The following SUMO2 variants were observed in gnomAD, a reference collection of about 807,000 sequenced individuals.
SUMO2 encodes small ubiquitin like modifier 2, also known as small ubiquitin-related modifier 2.
In SUMO2, 1 loss-of-function variant was observed where a neutral mutation model predicts 16.0. The ratio of observed to expected loss-of-function variants is 0.06; its 90% CI spans 0.02 to 0.30. SUMO2 has a LOEUF of 0.30. Ranked by LOEUF, SUMO2 falls within the 10% of genes least tolerant of loss-of-function variation. SUMO2 has a pLI of 1.00. For synonymous variants in SUMO2, 36 were observed against 40.6 expected, an observed-to-expected ratio of 0.89 and a Z score of 0.43; for missense variants, 16 against 117.5, an observed-to-expected ratio of 0.14 and a Z score of 3.99.
chr17:75,180,558 C>CAA (rs201149071), intron 2 of SUMO2, among the ~76,000 whole-genome samples: 1 of 146,960 alleles, frequency 6.8e-6, no homozygotes, highest in Non-Finnish European at 1.5e-5. Context: ...ACTAAAAATA[C>CAA]AAAAAAAAAA....
rs1304995592 is a variant in SUMO2, at chr17:75,166,513, G to A, written c.*1826C>T. On this transcript the variant is annotated 3_prime_UTR_variant, in exon 4 of 4. Coordinates refer to ENST00000420826, the MANE Select transcript of SUMO2 (RefSeq NM_006937.4). ...TTTTAAAAAATTAAAAAGGGGCTGG[G>A]CATAGTGGCTCACGCCTGTAAACCC... The A allele has an allele frequency of 6.6e-6, 1 of 152,200 alleles. No homozygotes were observed. Among genetic ancestry groups the A allele is most frequent in the African/African-American group, 2.4e-5 (1 of 41,420 alleles). 9.4% of individuals were successfully genotyped at this position (152,200 alleles called of 1,614,324 possible).
At position 75,165,680 on chromosome 17, in the gene SUMO2, A is replaced by AGTTTT. The variant is rs5822071; in HGVS notation, c.*2658_*2659insAAAAC. ...ATACTATCTCTAGTCCCAGTTTTATAGTCACCGTCTATTTCACAACTTTTC... is the reference window on the plus strand; with the variant it reads ...ATACTATCTCTAGTCCCAGTTTTATAGTTTTGTCACCGTCTATTTCACAACTTTTC... On this transcript the variant is annotated 3_prime_UTR_variant, in exon 4 of 4. Transcript: ENST00000420826. 151,879 of 152,334 alleles carry AGTTTT rather than the reference A, an allele frequency of 1. 75,713 individuals carry two copies. The highest frequency in any genetic ancestry group is 1 in the Middle Eastern group (294 of 294). 9.4% of individuals were successfully genotyped at this position (152,334 alleles called of 1,614,324 possible). A position where few individuals can be genotyped will look rare whatever the true frequency, so the allele number is the denominator to read the frequency against.
chr17:75,177,849 C>T (rs1012391286), intron 2 of SUMO2, among the ~76,000 whole-genome samples: 5 of 151,602 alleles, frequency 3.3e-5, no homozygotes, highest in Non-Finnish European at 7.4e-5. Context: ...ATTAGCCGAG[C>T]ACGGTGGTAG....
intron 3 of SUMO2, among the ~76,000 whole-genome samples, chr17:75,168,604 A>C (rs1352995399): frequency 1.3e-5 from 2 of 151,682 alleles, no homozygotes; most frequent in Admixed American, 1.3e-4. Context: ...CTATTAGATA[A>C]AACTTTTTTG....
intron 3 of SUMO2, among the ~76,000 whole-genome samples, chr17:75,171,950 T>C (rs1159525222): frequency 6.6e-6 from 1 of 151,864 alleles, no homozygotes; most frequent in African/African-American, 2.4e-5. Context: ...GAGGTTCCTG[T>C]ACCAGCCTCA....
chr17:75,182,885 T>C lies in SUMO2; in HGVS notation c.-51A>G, dbSNP rs544001336. 2.5e-5 allele frequency: 34 copies of C among 1,337,920 alleles called. No homozygotes were observed. The highest frequency in any genetic ancestry group is 6.7e-5 in the Admixed American group (2 of 29,932). 82.9% of individuals were successfully genotyped at this position (1,337,920 alleles called of 1,614,324 possible). ...GCCGCTTCACAAAAGAGGTACCAGG[T>C]CCGCACCAAACGAGCACACAAGCAG... On this transcript the variant is annotated 5_prime_UTR_variant, in exon 1 of 4. Transcript: ENST00000420826.
Position 75,168,390 on chromosome 17 carries a change from C to T in SUMO2, c.237G>A (p.Glu79=), listed in dbSNP as rs752229100. The T allele has an allele frequency of 1.9e-6, 3 of 1,606,724 alleles. No individual in the cohort carries two copies. The highest frequency in any genetic ancestry group is 4.5e-5 in the East Asian group (2 of 44,646). Residue 79 remains glutamate, a synonymous_variant, in exon 4 of 4, where the codon GAG becomes GAA. Coordinates refer to ENST00000420826, the MANE Select transcript of SUMO2 (RefSeq NM_006937.4). ...GGAACACATCAATTGTATCTTCATCCTCCATTTCCAACTAGCATAAAAGAA... is the reference window on the plus strand; with the variant it reads ...GGAACACATCAATTGTATCTTCATCTTCCATTTCCAACTAGCATAAAAGAA... ...ETDTPAQLEM[E]DEDTIDVFQQ... is the part of the protein sequence containing the mutation.
intron 1 of SUMO2, chr17:75,182,411 TC>T (rs1342731783): frequency 6.4e-6 from 1 of 156,472 alleles, no homozygotes; most frequent in Non-Finnish European, 1.4e-5. Context: ...CCCAGAGGAC[TC>T]CTCGCCGCCT....
At position 75,167,743 on chromosome 17, in the gene SUMO2, G is replaced by GAAGTTTATTTAAACAAC. The variant is rs1338281456; in HGVS notation, c.*579_*595dup. The GAAGTTTATTTAAACAAC allele has an allele frequency of 6.5e-6, 1 of 153,018 alleles. No individual in the cohort carries two copies. Among genetic ancestry groups the GAAGTTTATTTAAACAAC allele is most frequent in the African/African-American group, 2.4e-5 (1 of 41,422 alleles). 9.5% of individuals were successfully genotyped at this position (153,018 alleles called of 1,614,324 possible). ...AAAGAAAACAGCTCATTTTAAACAA[G>GAAGTTTATTTAAACAAC]AAGTTTATTTAAACAACAAGACGCT... On this transcript the variant is annotated 3_prime_UTR_variant, in exon 4 of 4. Coordinates refer to ENST00000420826, the MANE Select transcript of SUMO2 (RefSeq NM_006937.4).
At chr17:75,172,737 A>C (rs1180318862) in intron 3 of SUMO2, among the ~76,000 whole-genome samples, 1 of 151,948 alleles carries the variant, frequency 6.6e-6, no homozygotes, top group Non-Finnish European at 1.5e-5. Context: ...GGCCTCCCAA[A>C]GTGCTGGGAT....
chr17:75,178,404 C>T (rs1317703586), intron 2 of SUMO2, among the ~76,000 whole-genome samples: 2 of 151,236 alleles, frequency 1.3e-5, no homozygotes, highest in Non-Finnish European at 2.9e-5. Flanking sequence ...GTCCCAGCTA[C>T]TTGGGAGGCT....
rs961794300 is a variant in SUMO2, at chr17:75,172,430, C to A, written c.225+2322G>T. Among the ~76,000 whole-genome samples the A allele has an allele frequency of 9.9e-5, 15 of 150,940 alleles. No homozygotes were observed. The East Asian group carries it at 2.1e-3, about 21-fold the overall frequency. On this transcript the variant is annotated intron_variant, in intron 3 of 3. Transcript: ENST00000420826. ...CGCCTCTCGGGTTCAGGTGATTCTC[C>A]TGCCTCAGCCTCCTGAGTAGCTGGG...
chr17:75,180,105 C>A (rs1049941092), intron 2 of SUMO2, among the ~76,000 whole-genome samples: 3 of 151,886 alleles, frequency 2.0e-5, no homozygotes, highest in African/African-American at 7.3e-5. Context: ...CTCTGAGAGG[C>A]CAAGGTGGGC....
At chr17:75,174,252 T>C (rs564353014) in intron 3 of SUMO2, among the ~76,000 whole-genome samples, 1 of 151,880 alleles carries the variant, frequency 6.6e-6, no homozygotes, top group African/African-American at 2.4e-5. Context: ...TAGCCAGGCA[T>C]GGTGGTGCAT....
chr17:75,176,617 AAACAAC>A (rs150250836), intron 2 of SUMO2, among the ~76,000 whole-genome samples: 109 of 151,550 alleles, frequency 7.2e-4, no homozygotes, highest in Non-Finnish European at 1.1e-3. Context: ...TCAATATCAA[AAACAAC>A]AACAACAACA....
intron 1 of SUMO2, among the ~76,000 whole-genome samples, chr17:75,181,397 A>G (rs751731535): frequency 6.6e-6 from 1 of 152,158 alleles, no homozygotes; most frequent in African/African-American, 2.4e-5. Flanking sequence ...GATACGGAAA[A>G]GCCTACATGC....
intron 2 of SUMO2, among the ~76,000 whole-genome samples, chr17:75,179,632 G>T (rs2145225830): frequency 6.6e-6 from 1 of 150,378 alleles, no homozygotes; most frequent in East Asian, 1.9e-4. Flanking sequence ...AATACACTAG[G>T]CATAAAAATA....
chr17:75,176,224 G>A (rs1283925977), intron 2 of SUMO2, among the ~76,000 whole-genome samples: 7 of 151,926 alleles, frequency 4.6e-5, no homozygotes, highest in African/African-American at 1.7e-4. Flanking sequence ...TATTTTAGTA[G>A]AGATGGGGTT....
chr17:75,174,160 C>T (rs868180475), intron 3 of SUMO2, among the ~76,000 whole-genome samples: 1 of 152,114 alleles, frequency 6.6e-6, no homozygotes, highest in Admixed American at 6.6e-5. Flanking sequence ...GAGGCCAAGG[C>T]GGGCGGATTA....
Sources: gnomAD v4.1 joint callset for allele counts (sites outside exome capture counted in the v4.1 genomes callset) on GRCh38, gnomAD v4.1.1 for gene constraint, MANE v1.5 for transcripts, NCBI Gene and HGNC (gene_info 2026-07-23, HGNC 2026-07-21) for gene names.